The following FBXO31 variants were observed in gnomAD, a reference collection of about 807,000 sequenced individuals.
FBXO31 encodes the protein F-box only protein 31.
A neutral mutation model predicts 54.4 loss-of-function variants in FBXO31; 24 were observed. The ratio of observed to expected loss-of-function variants is 0.44; its 90% CI spans 0.32 to 0.62. The LOEUF (loss-of-function observed/expected upper bound fraction) is 0.62. Among genes scored for constraint, FBXO31 ranks in the 20% least tolerant of loss-of-function variants. The pLI is 0.05. For synonymous variants in FBXO31, 388 were observed against 335.6 expected (o/e 1.16, Z -1.71); for missense variants, 665 against 787.1 (o/e 0.84, Z 1.86).
chr16:87,370,175 G>T (rs889112092), intron 1 of FBXO31, among the ~76,000 whole-genome samples: 3 of 152,180 alleles, frequency 2.0e-5, no homozygotes, highest in African/African-American at 7.2e-5. Context: ...CCCTCTCAGG[G>T]GCCCGGGGAA....
Position 87,347,080 on chromosome 16 carries a change from G to A in FBXO31, c.489+94C>T, listed in dbSNP as rs1303074276. 2.6e-6 allele frequency: 3 copies of A among 1,136,318 alleles called. No homozygotes were observed. The Admixed American group carries it at 5.1e-5, about 19-fold the overall frequency. 70.4% of individuals were successfully genotyped at this position (1,136,318 alleles called of 1,614,324 possible). A position where few individuals can be genotyped will look rare whatever the true frequency, so the allele number is the denominator to read the frequency against. Reference sequence around the variant, plus strand: ...TTACCTCAAACGCACATCTGGGCCAGCTTGTACCCAGGTAGAAGAGGCCCT... The same window carrying A: ...TTACCTCAAACGCACATCTGGGCCAACTTGTACCCAGGTAGAAGAGGCCCT... On this transcript the variant is annotated intron_variant, in intron 3 of 8. Transcript: ENST00000311635.
In FBXO31 at chr16:87,331,020, G is replaced by A. The variant is rs1054922798; in HGVS notation, c.*268C>T. The A allele has an allele frequency of 9.6e-6, 4 of 416,532 alleles. No homozygotes were observed. Among genetic ancestry groups the A allele is most frequent in the African/African-American group, 2.0e-5 (1 of 49,704 alleles). 25.8% of individuals were successfully genotyped at this position (416,532 alleles called of 1,614,324 possible). A position where few individuals can be genotyped will look rare whatever the true frequency, so the allele number is the denominator to read the frequency against. ...CGCTTCAATTCTCACGCGGTCCCACGGCTGTCCCCTACATCTGCTGTATTC... is the reference window on the plus strand; with the variant it reads ...CGCTTCAATTCTCACGCGGTCCCACAGCTGTCCCCTACATCTGCTGTATTC... On this transcript the variant is annotated 3_prime_UTR_variant, in exon 9 of 9. Transcript: ENST00000311635.
rs1053890244 is a variant in FBXO31 at position 87,360,303 on chromosome 16, T to A, written c.404A>T (p.Tyr135Phe). Reference sequence around the variant, plus strand: ...CAAATAGATTCACTCACGCTTCGCATAGACGTCCCGACAAGACACGCCTGT... The same window carrying A: ...CAAATAGATTCACTCACGCTTCGCAAAGACGTCCCGACAAGACACGCCTGT... ...EITGVSCRDV[Y>F]AKLLHRYRHI... Residue 135 changes from tyrosine (Y) to phenylalanine (F), a missense_variant, in exon 2 of 9, where the codon TAT becomes TTT. Transcript: ENST00000311635. The A allele has an allele frequency of 1.2e-6, 2 of 1,614,180 alleles. No homozygotes were observed. Among genetic ancestry groups the A allele is most frequent in the Non-Finnish European group, 1.7e-6 (2 of 1,179,996 alleles).
At chr16:87,388,013 C>T (rs147343664), upstream of FBXO31, among the ~76,000 whole-genome samples, 64 of 152,342 alleles carry the variant, frequency 4.2e-4, no homozygotes, top group South Asian at 0.013. Flanking sequence ...CACACGTTAA[C>T]AGTCCCAGAA....
rs147019577 is a variant in FBXO31 at position 87,332,282 on chromosome 16, G to A, written c.1398-772C>T. 4.2e-3 allele frequency among the ~76,000 whole-genome samples: 647 copies of A among 152,338 alleles called. 2 individuals are homozygous for A. Among genetic ancestry groups the A allele is most frequent in the Middle Eastern group, 0.02 (6 of 294 alleles). On this transcript the variant is annotated intron_variant, in intron 8 of 8. Transcript: ENST00000311635. ...CAGGCATTCCCTGTACAGGTGCCGT[G>A]GCCAGGCCCTGCAGATCCATAAACT...
chr16:87,371,882 A>G (rs56005422), intron 1 of FBXO31, among the ~76,000 whole-genome samples: 4,910 of 151,998 alleles, frequency 0.032, 275 homozygotes, highest in African/African-American at 0.11. Flanking sequence ...TGCCAGATTC[A>G]CTTTTGTTTT....
upstream of FBXO31, among the ~76,000 whole-genome samples, chr16:87,387,488 A>G (rs1055309784): frequency 1.3e-5 from 2 of 152,200 alleles, no homozygotes; most frequent in Non-Finnish European, 2.9e-5. Flanking sequence ...CTCAAAGGTC[A>G]CAAGTAGTAT....
chr16:87,358,255 C>T lies in FBXO31; in HGVS notation c.412+2040G>A, dbSNP rs572564734. On this transcript the variant is annotated intron_variant, in intron 2 of 8. Transcript: ENST00000311635. The surrounding 1 kb of genome is among the most constrained non-coding windows in gnomAD (Gnocchi z 4.0). ...CTCTGTCACAGCTGAAGCAGAGCCA[C>T]GCTGCAGCAAGTGAACGTGAAAGGA... Among the ~76,000 whole-genome samples the T allele has an allele frequency of 3.3e-5, 5 of 152,078 alleles. No homozygotes were observed. The highest frequency in any genetic ancestry group is 4.8e-5 in the African/African-American group (2 of 41,358).
At chr16:87,357,243 C>CA (rs1287175650) in intron 2 of FBXO31, among the ~76,000 whole-genome samples, 1,948 of 127,596 alleles carry the variant, frequency 0.015, 13 homozygotes, top group Non-Finnish European at 0.022. Context: ...GACCCTGTCT[C>CA]AAAAAAAAAA....
chr16:87,339,470 G>A (rs565324845), intron 5 of FBXO31, among the ~76,000 whole-genome samples: 1 of 152,290 alleles, frequency 6.6e-6, no homozygotes, highest in East Asian at 1.9e-4. Flanking sequence ...CAGGTGACAA[G>A]CCCCACAGGA....
In FBXO31 at chr16:87,335,479, G is replaced by C. The variant is rs1420701392; in HGVS notation, c.843-22C>G. 2 of 1,551,700 alleles carry C rather than the reference G, an allele frequency of 1.3e-6. No homozygotes were observed. The highest frequency in any genetic ancestry group is 1.8e-6 in the Non-Finnish European group (2 of 1,141,176). On this transcript the variant is annotated intron_variant, in intron 6 of 8. Coordinates refer to ENST00000311635, the MANE Select transcript of FBXO31 (RefSeq NM_024735.5). The surrounding 1 kb of genome is among the most constrained non-coding windows in gnomAD (Gnocchi z 5.7). ...GTTGCTGTGGGGAGCGGACGGGTCA[G>C]TACAGGAGACCTCGTGGGGCAGGCA...
At position 87,365,010 on chromosome 16, in the gene FBXO31, A is replaced by ATATATAT. The variant is rs1906293303; in HGVS notation, c.341-4645_341-4644insATATATA. ...TGACAGAGCGAGACCCCGTCTCTTA[A>ATATATAT]ATATATATATATATATATATATATA... On this transcript the variant is annotated intron_variant, in intron 1 of 8. Coordinates refer to ENST00000311635, the MANE Select transcript of FBXO31 (RefSeq NM_024735.5). 1.5e-4 allele frequency among the ~76,000 whole-genome samples: 7 copies of ATATATAT among 47,680 alleles called. No individual in the cohort carries two copies. In the South Asian group the frequency reaches 0.01, roughly 70 times the overall value. 31.3% of individuals were successfully genotyped at this position (47,680 alleles called of 152,430 possible). A position where few individuals can be genotyped will look rare whatever the true frequency, so the allele number is the denominator to read the frequency against.
At chr16:87,363,010 C>T (rs1325841213) in intron 1 of FBXO31, among the ~76,000 whole-genome samples, 2 of 152,200 alleles carry the variant, frequency 1.3e-5, no homozygotes, top group African/African-American at 4.8e-5. Flanking sequence ...CATGAAGCAG[C>T]CCAAGGGCCG....
At chr16:87,378,336 A>T (rs1906921230) in intron 1 of FBXO31, among the ~76,000 whole-genome samples, 2 of 152,368 alleles carry the variant, frequency 1.3e-5, no homozygotes, top group Non-Finnish European at 2.9e-5. Flanking sequence ...GCAAAATAAA[A>T]TGGCACAAAA....
chr16:87,349,300 G>C (rs1905533860), intron 2 of FBXO31, among the ~76,000 whole-genome samples: 1 of 152,224 alleles, frequency 6.6e-6, no homozygotes, highest in Non-Finnish European at 1.5e-5. Flanking sequence ...AACAGAATGA[G>C]ATATGAAGAA....
At chr16:87,370,652 G>C (rs988525183) in intron 1 of FBXO31, among the ~76,000 whole-genome samples, 3 of 152,190 alleles carry the variant, frequency 2.0e-5, no homozygotes, top group Non-Finnish European at 4.4e-5. Flanking sequence ...GGCCCTGTGA[G>C]ACAGGCAGAG....
At chr16:87,353,681 G>A (rs1905765328) in intron 2 of FBXO31, among the ~76,000 whole-genome samples, 1 of 150,064 alleles carries the variant, frequency 6.7e-6, no homozygotes, top group Non-Finnish European at 1.5e-5. Flanking sequence ...GCCTGTGAGA[G>A]GCGGGAAGGA....
rs745810495 is a variant in FBXO31, at chr16:87,334,235, G to A, written c.1048C>T (p.His350Tyr). 2.5e-6 allele frequency: 4 copies of A among 1,609,384 alleles called. No homozygotes were observed. Among genetic ancestry groups the A allele is most frequent in the Non-Finnish European group, 2.5e-6 (3 of 1,177,916 alleles). Residue 350 changes from histidine to tyrosine, a missense_variant, in exon 8 of 9, where the codon CAT becomes TAT. Transcript: ENST00000311635. ...GQQTVEIDLR[H>Y]RIQLPDLENQ... ...TCGAGGTCGGGCAGCTGGATCCGATGCCTCAGGTCGATCTCCACTGTCTGC... is the reference window on the plus strand; with the variant it reads ...TCGAGGTCGGGCAGCTGGATCCGATACCTCAGGTCGATCTCCACTGTCTGC...
At chr16:87,366,601 G>A (rs550656813) in intron 1 of FBXO31, among the ~76,000 whole-genome samples, 10 of 152,238 alleles carry the variant, frequency 6.6e-5, no homozygotes, top group Admixed American at 1.3e-4. Flanking sequence ...CAGCCAGGGA[G>A]CAGGACTGGC....
Sources: allele counts gnomAD v4.1 joint callset (sites outside exome capture counted in the v4.1 genomes callset), GRCh38; gene constraint gnomAD v4.1.1; non-coding constraint Gnocchi (gnomAD v3.1); transcripts MANE v1.5; gene names NCBI Gene and HGNC (gene_info 2026-07-23, HGNC 2026-07-21).